Variants in DPH6 observed in about 807,000 individuals in gnomAD.
DPH6 encodes the protein diphthine--ammonia ligase.
A neutral mutation model predicts 38.2 loss-of-function variants in DPH6; 33 were observed. The ratio of observed to expected loss-of-function variants is 0.86; its 90% CI spans 0.65 to 1.15. The LOEUF (loss-of-function observed/expected upper bound fraction) is 1.15, where lower values mean the gene tolerates loss of function less well. Among genes scored for constraint, DPH6 ranks in the 50% most tolerant of loss-of-function variants. The pLI, the probability that DPH6 is intolerant of heterozygous loss-of-function variation, is 0.00. For synonymous variants in DPH6, 108 were observed against 103.0 expected (o/e 1.05, Z -0.30); for missense variants, 325 against 320.0 (o/e 1.02, Z -0.12).
the DPH6 span, among the ~76,000 whole-genome samples, chr15:35,196,561 T>C: frequency 1.3e-5 from 2 of 152,174 alleles, no homozygotes; most frequent in African/African-American, 2.4e-5. Flanking sequence ...AAATTCTGGG[T>C]AGTTGATCCA....
intron 1 of DPH6, among the ~76,000 whole-genome samples, chr15:35,542,909 A>T (rs1333787788): frequency 7.5e-6 from 1 of 132,754 alleles, no homozygotes; most frequent in Admixed American, 8.1e-5. Context: ...TATTCCACTT[A>T]AGGAATATAT....
chr15:35,270,590 A>G lies in DPH6; in HGVS notation n.201-50008T>C, dbSNP rs1357634526. On this transcript the variant is annotated intron_variant and non_coding_transcript_variant, in intron 3 of 3. Coordinates refer to the DPH6 transcript ENST00000560386. Reference sequence around the variant, plus strand: ...TGGACTTGGTTAATGCATTTGGTCCACAATAGTGGAGGCTGTGTCTAGTTT... The same window carrying G: ...TGGACTTGGTTAATGCATTTGGTCCGCAATAGTGGAGGCTGTGTCTAGTTT... Among the ~76,000 whole-genome samples the G allele has an allele frequency of 2.0e-5, 3 of 152,236 alleles. No homozygotes were observed. The South Asian group carries it at 6.2e-4, about 32-fold the overall frequency.
At chr15:35,166,354 A>G in the DPH6 span, among the ~76,000 whole-genome samples, 1 of 151,972 alleles carries the variant, frequency 6.6e-6, no homozygotes, top group African/African-American at 2.4e-5. Flanking sequence ...CAAACCTAGC[A>G]TAACAATGGT....
chr15:35,386,607 A>AT (rs1339340541), intron 6 of DPH6, among the ~76,000 whole-genome samples: 1 of 152,006 alleles, frequency 6.6e-6, no homozygotes. Flanking sequence ...GATGATGAGC[A>AT]TTTTTTCATG....
At chr15:35,491,025 T>C (rs114844292) in intron 3 of DPH6, among the ~76,000 whole-genome samples, 3 of 152,208 alleles carry the variant, frequency 2.0e-5, no homozygotes, top group South Asian at 4.2e-4. Context: ...CCCATGATAA[T>C]AGCATTAATC....
At chr15:35,384,897 C>G (rs572837133) in intron 6 of DPH6, among the ~76,000 whole-genome samples, 18 of 152,108 alleles carry the variant, frequency 1.2e-4, no homozygotes, top group African/African-American at 4.1e-4. Context: ...TATCCAGAAT[C>G]TACAAGGAAC....
chr15:35,503,465 A>G (rs2054653496), intron 3 of DPH6, among the ~76,000 whole-genome samples: 1 of 152,004 alleles, frequency 6.6e-6, no homozygotes, highest in Non-Finnish European at 1.5e-5. Context: ...CTCACCTCCA[A>G]ACATATGAGG....
chr15:35,370,467 T>C (rs1229498348), downstream of DPH6, among the ~76,000 whole-genome samples: 2 of 151,774 alleles, frequency 1.3e-5, no homozygotes, highest in African/African-American at 4.8e-5. Context: ...ATCCAAAATA[T>C]GCAAAGAACT....
At chr15:35,197,536 T>C in the DPH6 span, among the ~76,000 whole-genome samples, 7 of 152,316 alleles carry the variant, frequency 4.6e-5, no homozygotes, top group Admixed American at 3.9e-4. Flanking sequence ...AACACACTTC[T>C]TTTGTAAAGT....
chr15:35,386,813 T>C (rs1313105738), intron 6 of DPH6, among the ~76,000 whole-genome samples: 3 of 152,240 alleles, frequency 2.0e-5, no homozygotes, highest in Admixed American at 1.3e-4. Flanking sequence ...CTGATGGTGG[T>C]TTCTTTTGCT....
At chr15:35,399,895 C>T (rs946884245) in intron 6 of DPH6, among the ~76,000 whole-genome samples, 5 of 152,168 alleles carry the variant, frequency 3.3e-5, no homozygotes, top group African/African-American at 1.2e-4. Context: ...GGAGAATGTG[C>T]TTCACAAAAA....
chr15:35,417,037 A>G (rs1450485390), intron 5 of DPH6, among the ~76,000 whole-genome samples: 1 of 152,098 alleles, frequency 6.6e-6, no homozygotes, highest in Non-Finnish European at 1.5e-5. Context: ...AATGCTTAGC[A>G]TACCAATGAT....
chr15:35,476,746 T>G (rs192496202), intron 3 of DPH6, among the ~76,000 whole-genome samples: 3 of 151,946 alleles, frequency 2.0e-5, no homozygotes, highest in Admixed American at 2.0e-4. Flanking sequence ...ACAAAGTGAC[T>G]TGAGATTGAA....
chr15:35,406,330 C>T (rs561759166), intron 6 of DPH6, among the ~76,000 whole-genome samples: 91 of 152,158 alleles, frequency 6.0e-4, no homozygotes, highest in South Asian at 1.2e-3. Context: ...TTATAAGCCT[C>T]ATTTTCCCCC....
downstream of DPH6, among the ~76,000 whole-genome samples, chr15:35,328,361 GTC>G (rs573547572): frequency 2.0e-5 from 3 of 150,542 alleles, no homozygotes; most frequent in Non-Finnish European, 3.0e-5. Flanking sequence ...TTCCCTTTTT[GTC>G]TCTCTCTCTC....
intron 3 of DPH6, among the ~76,000 whole-genome samples, chr15:35,495,750 T>C (rs1483264456): frequency 6.6e-6 from 1 of 152,194 alleles, no homozygotes; most frequent in East Asian, 1.9e-4. Context: ...CTAATAGTTA[T>C]GGCACTCTTA....
chr15:35,202,257 A>G, the DPH6 span, among the ~76,000 whole-genome samples: 16 of 151,948 alleles, frequency 1.1e-4, no homozygotes, highest in South Asian at 3.1e-3. Flanking sequence ...CATCATGCAT[A>G]AACAATAAAT....
At chr15:35,414,857 T>C (rs975283475) in intron 5 of DPH6, among the ~76,000 whole-genome samples, 1 of 151,898 alleles carries the variant, frequency 6.6e-6, no homozygotes, top group Non-Finnish European at 1.5e-5. Context: ...CATCACTCTG[T>C]TACTGTTTCA....
At chr15:35,543,259 A>AATATATATATATAT (rs6145522) in intron 1 of DPH6, among the ~76,000 whole-genome samples, 62 of 114,090 alleles carry the variant, frequency 5.4e-4, no homozygotes, top group Non-Finnish European at 7.4e-4. Context: ...ACATACACAT[A>AATATATATATATAT]ATATATATAT....
Sources: allele counts gnomAD v4.1 joint callset (sites outside exome capture counted in the v4.1 genomes callset), GRCh38; gene constraint gnomAD v4.1.1; transcripts MANE v1.5; gene names NCBI Gene and HGNC (gene_info 2026-07-23, HGNC 2026-07-21).